SCD5: variants seen among roughly 807,000 people sequenced by gnomAD.
The protein encoded by SCD5 is stearoyl-CoA desaturase 5, also known as acyl-CoA-desaturase 4.
Under a neutral mutation model 30.4 loss-of-function variants are expected in SCD5, and 20 were observed. The observed-to-expected ratio is 0.66, with a 90% CI of 0.46 to 0.96. The LOEUF (loss-of-function observed/expected upper bound fraction) is 0.96. Ranked by LOEUF, SCD5 falls within the 40% of genes least tolerant of loss-of-function variation. The pLI, the probability that SCD5 is intolerant of heterozygous loss-of-function variation, is 0.00. For synonymous variants in SCD5, 173 were observed against 176.4 expected, an observed-to-expected ratio of 0.98 and a Z score of 0.16; for missense variants, 381 against 443.3, an observed-to-expected ratio of 0.86 and a Z score of 1.26.
chr4:82,789,570 G>GCA (rs1722058010), intron 1 of SCD5, among the ~76,000 whole-genome samples: 1 of 152,232 alleles, frequency 6.6e-6, no homozygotes, highest in Non-Finnish European at 1.5e-5. Context: ...AGGCCCTTAA[G>GCA]GCTCAGGCAA....
chr4:82,665,019 A>ATG (rs1728145685), intron 3 of SCD5, among the ~76,000 whole-genome samples: 1 of 111,514 alleles, frequency 9.0e-6, no homozygotes, highest in Non-Finnish European at 1.7e-5. Flanking sequence ...ATATATATAT[A>ATG]TGTATAATAC....
intron 1 of SCD5, among the ~76,000 whole-genome samples, chr4:82,746,941 C>CA (rs1720998355): frequency 2.4e-5 from 2 of 84,570 alleles, no homozygotes; most frequent in African/African-American, 3.1e-5. Context: ...CTTAAGTGGA[C>CA]GCAGACACAA....
At chr4:82,753,283 C>T (rs2148843135) in intron 1 of SCD5, 2 of 492,960 alleles carry the variant, frequency 4.1e-6, no homozygotes, top group Non-Finnish European at 8.4e-6. Flanking sequence ...CTCTAGATGG[C>T]TATGTGTGTT....
chr4:82,680,904 G>T lies in SCD5; in HGVS notation c.372C>A (p.Ile124=), dbSNP rs1221194254. 2 of 1,608,828 alleles carry T rather than the reference G, an allele frequency of 1.2e-6. No individual in the cohort carries two copies. The highest frequency in any genetic ancestry group is 1.7e-5 in the Admixed American group (1 of 59,758). ...VANSMAFQND[I]FEWSRDHRAH... ...CTCGGTGGTCCCTGGACCACTCGAAGATGTCATTCTGCAGAGAGAATGAGA... is the reference window on the plus strand; with the variant it reads ...CTCGGTGGTCCCTGGACCACTCGAATATGTCATTCTGCAGAGAGAATGAGA... The change falls in exon 3 of 5, where the codon ATC becomes ATA. Residue 124 remains isoleucine (I), a synonymous_variant. Transcript: ENST00000319540.
intron 1 of SCD5, among the ~76,000 whole-genome samples, chr4:82,747,011 A>C (rs769417438): frequency 4.7e-5 from 7 of 149,890 alleles, no homozygotes; most frequent in Non-Finnish European, 1.0e-4. Flanking sequence ...CAGTGGAATG[A>C]CACAGGCACC....
intron 1 of SCD5, among the ~76,000 whole-genome samples, chr4:82,777,645 TTTCA>T (rs1408926384): frequency 1.3e-5 from 2 of 152,160 alleles, no homozygotes; most frequent in African/African-American, 2.4e-5. Flanking sequence ...GGTGCTATAT[TTTCA>T]TTTTGTACTG....
At chr4:82,764,701 C>T (rs1450979388) in intron 1 of SCD5, among the ~76,000 whole-genome samples, 2 of 151,528 alleles carry the variant, frequency 1.3e-5, no homozygotes, top group Non-Finnish European at 2.9e-5. Flanking sequence ...TTGCTTTAAA[C>T]ACGATCTTTT....
intron 1 of SCD5, among the ~76,000 whole-genome samples, chr4:82,719,661 G>A (rs1720321066): frequency 6.6e-6 from 1 of 151,402 alleles, no homozygotes; most frequent in South Asian, 2.1e-4. Flanking sequence ...CCGCTACCAC[G>A]CCCAGCTAAT....
chr4:82,711,068 T>A (rs539017509), intron 1 of SCD5, among the ~76,000 whole-genome samples: 1 of 152,134 alleles, frequency 6.6e-6, no homozygotes, highest in Non-Finnish European at 1.5e-5. Context: ...CCTGGGTTTG[T>A]TGTAAAGATT....
chr4:82,798,466 G>A lies in SCD5; in HGVS notation c.72C>T (p.Leu24=). The change falls in exon 1 of 5, where the codon CTC becomes CTT. Residue 24 remains leucine (L), a synonymous_variant. Transcript: ENST00000319540. ...GGCCGCCGCCGCCCTCAGAGCTTTC[G>A]AGCCCGGCACGGATTTCTTCCTTGG... The part of the protein sequence containing the change: ...CDAKEEIRAG[L]ESSEGGGGPE... 6.2e-7 allele frequency: 1 copy of A among 1,612,758 alleles called. No individual in the cohort carries two copies. Among genetic ancestry groups the A allele is most frequent in the East Asian group, 2.2e-5 (1 of 44,816 alleles).
At chr4:82,723,724 A>G (rs1322530027) in intron 1 of SCD5, among the ~76,000 whole-genome samples, 1 of 152,242 alleles carries the variant, frequency 6.6e-6, no homozygotes, top group Non-Finnish European at 1.5e-5. Context: ...CTCACCTCGC[A>G]GTTTACAGAA....
intron 2 of SCD5, among the ~76,000 whole-genome samples, chr4:82,685,091 A>G (rs2148822500): frequency 6.6e-6 from 1 of 152,378 alleles, no homozygotes; most frequent in African/African-American, 2.4e-5. Context: ...TCTGCAATCC[A>G]TTAAAAGTGC....
At position 82,630,087 on chromosome 4, in the gene SCD5, C is replaced by G. The variant is rs1727254567; in HGVS notation, c.*1240G>C. The stretch of plus-strand genomic sequence containing the variant: ...CATTTAAACGAGAGCTTAATTTGAG[C>G]TTAATTTGATGTCTGGCATGTCAGA... On this transcript the variant is annotated 3_prime_UTR_variant, in exon 5 of 5. Transcript: ENST00000319540. 1 of 152,176 alleles carries G rather than the reference C, an allele frequency of 6.6e-6. No homozygotes were observed. Among genetic ancestry groups the G allele is most frequent in the Admixed American group, 6.5e-5 (1 of 15,288 alleles). The allele number at this position is 152,176 out of a possible 1,614,324, so 9.4% of individuals were successfully genotyped here. A position where few individuals can be genotyped will look rare whatever the true frequency, so the allele number is the denominator to read the frequency against.
At chr4:82,635,433 C>T (rs1192631343) in intron 4 of SCD5, among the ~76,000 whole-genome samples, 1 of 151,952 alleles carries the variant, frequency 6.6e-6, no homozygotes, top group African/African-American at 2.4e-5. Context: ...TCCTGGCTAA[C>T]ACGGTGAAAT....
chr4:82,662,674 A>C (rs144847188), intron 3 of SCD5, among the ~76,000 whole-genome samples: 1,610 of 152,032 alleles, frequency 0.011, 33 homozygotes, highest in African/African-American at 0.036. Context: ...AGCCTGGCCA[A>C]CATGGTGAAA....
chr4:82,774,445 T>C (rs1038543735), intron 1 of SCD5, among the ~76,000 whole-genome samples: 7 of 152,346 alleles, frequency 4.6e-5, no homozygotes, highest in Admixed American at 6.5e-5. Context: ...TGAAAGGCTA[T>C]AGCCCAAAAT....
At chr4:82,635,374 C>G (rs372386210) in intron 4 of SCD5, among the ~76,000 whole-genome samples, 1 of 152,106 alleles carries the variant, frequency 6.6e-6, no homozygotes, top group Admixed American at 6.5e-5. Flanking sequence ...AATCCCAGCA[C>G]TTTGGGAGGC....
intron 1 of SCD5, among the ~76,000 whole-genome samples, chr4:82,772,509 C>G (rs1476583001): frequency 6.6e-6 from 1 of 152,238 alleles, no homozygotes; most frequent in Non-Finnish European, 1.5e-5. Flanking sequence ...AACAACAATT[C>G]ACCATTTGTG....
chr4:82,721,563 C>T (rs1317468251), intron 1 of SCD5, among the ~76,000 whole-genome samples: 1 of 152,136 alleles, frequency 6.6e-6, no homozygotes, highest in Non-Finnish European at 1.5e-5. Context: ...TTGACTAGTC[C>T]AGTGTGATTG....
Sources: allele counts gnomAD v4.1 joint callset (sites outside exome capture counted in the v4.1 genomes callset), GRCh38; gene constraint gnomAD v4.1.1; transcripts MANE v1.5; gene names NCBI Gene and HGNC (gene_info 2026-07-23, HGNC 2026-07-21).